The following DCHS2 variants were observed in gnomAD, a reference collection of about 807,000 sequenced individuals.
DCHS2 encodes the protein dachsous cadherin-related 2.
In DCHS2, 142 loss-of-function variants were observed where a neutral mutation model predicts 182.4. The observed-to-expected ratio is 0.78, with a 90% CI of 0.68 to 0.89. The LOEUF (loss-of-function observed/expected upper bound fraction) is 0.89, where lower values mean the gene tolerates loss of function less well. DCHS2 is among the 40% of genes least tolerant of loss of function. The pLI, the probability that DCHS2 is intolerant of heterozygous loss-of-function variation, is 0.00. For missense variants in DCHS2, 4,319 were observed against 4,198.6 expected (o/e 1.03, Z -0.79); for synonymous variants, 1,740 against 1,663.3 (o/e 1.05, Z -1.12).
intron 2 of DCHS2, among the ~76,000 whole-genome samples, chr4:154,371,108 G>C (rs1001188236): frequency 6.6e-6 from 1 of 151,890 alleles, no homozygotes; most frequent in Admixed American, 6.6e-5. Flanking sequence ...GCAAATGATA[G>C]TAAAGTCTCC....
intron 1 of DCHS2, among the ~76,000 whole-genome samples, chr4:154,465,778 C>T (rs552850181): frequency 2.6e-5 from 4 of 152,226 alleles, no homozygotes; most frequent in Non-Finnish European, 4.4e-5. Context: ...GGATTGATGT[C>T]GTTGGGGGCT....
intron 14 of DCHS2, among the ~76,000 whole-genome samples, chr4:154,264,399 A>T (rs188074604): frequency 6.6e-6 from 1 of 152,326 alleles, no homozygotes; most frequent in African/African-American, 2.4e-5. Flanking sequence ...GCTATTTTTC[A>T]AAAGACAAAG....
At chr4:154,449,584 G>A (rs924099920) in intron 1 of DCHS2, among the ~76,000 whole-genome samples, 1 of 152,036 alleles carries the variant, frequency 6.6e-6, no homozygotes, top group African/African-American at 2.4e-5. Flanking sequence ...TGTTGCCTAG[G>A]CTGGTCTCGA....
rs1389116225 is a variant in DCHS2 at position 154,366,279 on chromosome 4, A to G, written c.2407T>C (p.Tyr803His). Residue 803 changes from tyrosine to histidine, a missense_variant, in exon 3 of 20, where the codon TAT (tyrosine) becomes CAT (histidine). Transcript: ENST00000357232. ...VLATDQDSGI[Y>H]GTVAYELIPG... ...ATAAGCTCATAAGCCACTGTCCCAT[A>G]TATCCCAGAGTCCTGGTCAGTGGCA... 4 of 1,613,890 alleles carry G rather than the reference A, an allele frequency of 2.5e-6. No homozygotes were observed. Among genetic ancestry groups the G allele is most frequent in the Non-Finnish European group, 3.4e-6 (4 of 1,179,958 alleles).
At position 154,490,827 on chromosome 4, in the gene DCHS2, A is replaced by T; in HGVS notation, c.529T>A (p.Ser177Thr). The change falls in exon 1 of 20, where the codon TCC becomes ACC. Residue 177 changes from serine to threonine, a missense_variant. By Grantham distance (58) the Ser-to-Thr change is moderately conservative. Transcript: ENST00000357232. ...GCGGTCCCTGGCGGGCTGAGCTCGG[A>T]GACGTCGAGTTGCAGGGAGTCGAGG... is the stretch of plus-strand genomic sequence containing the variant. ...FPLDSLQLDV[S>T]ELSPPGTAFR... The T allele has an allele frequency of 6.4e-7, 1 of 1,551,566 alleles. No individual in the cohort carries two copies. The highest frequency in any genetic ancestry group is 8.7e-7 in the Non-Finnish European group (1 of 1,146,940).
Position 154,333,478 on chromosome 4 carries a change from G to A in DCHS2, c.2730C>T (p.Ile910=). The stretch of plus-strand genomic sequence containing the variant: ...GATCACCAGAAGAAATCCTGTAAAA[G>A]ATTGGTTCTGAGGAGTCTGAAAAAG... ...AREPLNSSEP[I]FYRISSGDLG... Residue 910 remains isoleucine (I), a synonymous_variant, in exon 5 of 20, where the codon ATC becomes ATT. Coordinates refer to ENST00000357232, the MANE Select transcript of DCHS2 (RefSeq NM_001358235.2). The A allele has an allele frequency of 6.2e-7, 1 of 1,612,690 alleles. No homozygotes were observed. Among genetic ancestry groups the A allele is most frequent in the South Asian group, 1.1e-5 (1 of 91,016 alleles).
At chr4:154,389,492 A>G (rs1038916789) in intron 1 of DCHS2, among the ~76,000 whole-genome samples, 14 of 127,416 alleles carry the variant, frequency 1.1e-4, no homozygotes, top group African/African-American at 4.0e-4. Context: ...TGCTGTCTCT[A>G]TGTTCTATTC....
intron 2 of DCHS2, among the ~76,000 whole-genome samples, chr4:154,373,284 G>A (rs1238477980): frequency 6.6e-6 from 1 of 152,062 alleles, no homozygotes; most frequent in African/African-American, 2.4e-5. Context: ...GACATGTACT[G>A]CTAAATAATA....
chr4:154,268,844 T>C (rs1405032303), intron 14 of DCHS2, among the ~76,000 whole-genome samples: 1 of 152,164 alleles, frequency 6.6e-6, no homozygotes, highest in Admixed American at 6.5e-5. Flanking sequence ...TTTATCTGCA[T>C]TTTAATGATG....
intron 10 of DCHS2, among the ~76,000 whole-genome samples, chr4:154,307,208 C>G (rs1303346993): frequency 6.6e-6 from 1 of 152,118 alleles, no homozygotes; most frequent in Non-Finnish European, 1.5e-5. Context: ...ACAGAACAAA[C>G]ATAGCATCAT....
chr4:154,365,282 G>A (rs1388670299), intron 3 of DCHS2, among the ~76,000 whole-genome samples: 1 of 152,098 alleles, frequency 6.6e-6, no homozygotes, highest in Non-Finnish European at 1.5e-5. Flanking sequence ...AAATGTCTTT[G>A]CACTAATCTT....
intron 1 of DCHS2, among the ~76,000 whole-genome samples, chr4:154,458,795 T>G (rs1386000180): frequency 6.6e-6 from 1 of 152,190 alleles, no homozygotes; most frequent in Non-Finnish European, 1.5e-5. Flanking sequence ...GATTCTAAAG[T>G]TTATTAGACT....
intron 7 of DCHS2, 151 bp from the exon 8 acceptor site, chr4:154,322,639 G>A: frequency 6.5e-6 from 7 of 1,068,732 alleles, no homozygotes; most frequent in East Asian, 5.8e-5. Flanking sequence ...AAATAGACAA[G>A]AAACATCACT....
At position 154,239,137 on chromosome 4, in the gene DCHS2, C is replaced by A. The variant is rs757024630; in HGVS notation, c.7492+33G>T. 6.3e-6 allele frequency: 10 copies of A among 1,596,174 alleles called. No homozygotes were observed. The South Asian group carries it at 1.1e-4, about 18-fold the overall frequency. Reference sequence around the variant, plus strand: ...CAGGTTTCTACTTTGAAACCCAAACCTATGAGCATTAATGCAATTATAAAT... The same window carrying A: ...CAGGTTTCTACTTTGAAACCCAAACATATGAGCATTAATGCAATTATAAAT... On this transcript the variant is annotated intron_variant, in intron 19 of 19. Transcript: ENST00000357232.
In DCHS2 at chr4:154,235,174, C is replaced by T; in HGVS notation, c.9478G>A (p.Ala3160Thr). ...TCTCCTTCCCCAAATGTTTGGCTGG[C>T]TTCTGCTGTTTCGGCAGTCACCATC... Reference protein sequence around the residue: ...DVMVTAETAEASQTFGEGDQG... With the variant: ...DVMVTAETAETSQTFGEGDQG... The change falls in exon 20 of 20, where the codon GCC becomes ACC. Residue 3160 changes from alanine (A) to threonine (T), a missense_variant. By Grantham distance (58) the Ala-to-Thr change is moderately conservative. Transcript: ENST00000357232. The T allele has an allele frequency of 1.9e-6, 3 of 1,614,078 alleles. No individual in the cohort carries two copies. The highest frequency in any genetic ancestry group is 2.5e-6 in the Non-Finnish European group (3 of 1,179,968).
chr4:154,296,477 A>C (rs1195302057), intron 13 of DCHS2, among the ~76,000 whole-genome samples: 2 of 152,166 alleles, frequency 1.3e-5, no homozygotes, highest in Admixed American at 1.3e-4. Context: ...ACATTTAATG[A>C]CTGACTCTTA....
At chr4:154,327,813 A>G (rs1011762620) in intron 7 of DCHS2, among the ~76,000 whole-genome samples, 12 of 152,196 alleles carry the variant, frequency 7.9e-5, no homozygotes, top group Non-Finnish European at 2.9e-5. Context: ...GTAAATTTGT[A>G]CTTCACATTA....
chr4:154,264,285 A>T (rs1255568223), intron 14 of DCHS2, among the ~76,000 whole-genome samples: 1 of 152,188 alleles, frequency 6.6e-6, no homozygotes, highest in African/African-American at 2.4e-5. Flanking sequence ...TAGACAACAG[A>T]ACCAAACATC....
At chr4:154,257,114 G>A (rs911823312) in intron 15 of DCHS2, among the ~76,000 whole-genome samples, 1 of 152,210 alleles carries the variant, frequency 6.6e-6, no homozygotes. Flanking sequence ...TGGGCGTGGT[G>A]GCATACGCCC....
Sources: allele counts gnomAD v4.1 joint callset (sites outside exome capture counted in the v4.1 genomes callset), GRCh38; gene constraint gnomAD v4.1.1; transcripts MANE v1.5; gene names NCBI Gene and HGNC (gene_info 2026-07-23, HGNC 2026-07-21).